Variants in LRRC9 observed in about 807,000 individuals in gnomAD.
LRRC9 encodes leucine-rich repeat-containing protein 9.
A neutral mutation model predicts 63.2 loss-of-function variants in LRRC9; 122 were observed. That is an observed-to-expected ratio of 1.93 (90% CI 1.67 to 2.24). The LOEUF is 2.24. Ranked by LOEUF, LRRC9 falls within the 30% of genes most tolerant of loss-of-function variation. The pLI is 0.00. For missense variants in LRRC9, 1,071 were observed against 627.7 expected (o/e 1.71, Z -7.55); for synonymous variants, 366 against 213.1 (o/e 1.72, Z -6.25).
chr14:60,043,769 T>A (rs1595097110), intron 29 of LRRC9, among the ~76,000 whole-genome samples: 1 of 148,864 alleles, frequency 6.7e-6, no homozygotes, highest in East Asian at 2.0e-4. Flanking sequence ...TTTTTTTTTT[T>A]TTTTTTTTTG....
chr14:59,991,219 C>T (rs1888053270), intron 17 of LRRC9, among the ~76,000 whole-genome samples: 1 of 152,200 alleles, frequency 6.6e-6, no homozygotes, highest in Admixed American at 6.5e-5. Context: ...CTCATCTTTA[C>T]TGTCATTTTC....
Position 59,930,940 on chromosome 14 carries a change from G to A in LRRC9, c.290G>A (p.Cys97Tyr). The A allele has an allele frequency of 2.3e-6, 1 of 440,904 alleles. No homozygotes were observed. The highest frequency in any genetic ancestry group is 4.1e-6 in the Non-Finnish European group (1 of 245,104). The allele number at this position is 440,904 out of a possible 1,614,324, so 27.3% of individuals were successfully genotyped here. The change falls in exon 4 of 32, where the codon TGT becomes TAT. Residue 97 changes from cysteine to tyrosine, a missense_variant. By Grantham distance (194) the Cys-to-Tyr change is radical. Coordinates refer to ENST00000445360, the Ensembl canonical transcript of LRRC9. This position sits in a 1 kb window ranked among gnomAD's most constrained non-coding sequence, Gnocchi z 4.9. ...CAGAAAATTGAAGGTCTTCAAGAAT[G>A]TAGAAATTTGGAAAAACTATATTTA...
chr14:59,992,184 T>C (rs1191414983), intron 17 of LRRC9, among the ~76,000 whole-genome samples: 1 of 152,226 alleles, frequency 6.6e-6, no homozygotes, highest in African/African-American at 2.4e-5. Flanking sequence ...CCTCCACTGC[T>C]GATACCCAGG....
Position 60,055,745 on chromosome 14 carries a change from AAC to A in LRRC9, c.4132-2131_4132-2130del, listed in dbSNP as rs1193498308. Among the ~76,000 whole-genome samples the A allele has an allele frequency of 1.0e-4, 15 of 147,344 alleles. 1 individual carries two copies. The highest frequency in any genetic ancestry group is 2.7e-4 in the Admixed American group (4 of 14,734). On this transcript the variant is annotated intron_variant, in intron 30 of 31. Coordinates refer to ENST00000445360, the Ensembl canonical transcript of LRRC9. ...TTGTCTCTATTTAAAAAAAAAAAAA[AAC>A]AAAAAAAACTAGCCAGGCATGATGG...
chr14:59,944,706 G>C lies in LRRC9; in HGVS notation c.844G>C (p.Glu282Gln), dbSNP rs193121855. The C allele has an allele frequency of 8.1e-5, 55 of 675,414 alleles. 1 individual carries two copies. The highest frequency in any genetic ancestry group is 5.7e-4 in the African/African-American group (32 of 55,820). The allele number at this position is 675,414 out of a possible 1,614,324, so 41.8% of individuals were successfully genotyped here. A position where few individuals can be genotyped will look rare whatever the true frequency, so the allele number is the denominator to read the frequency against. The change falls in exon 8 of 32, where the codon GAA becomes CAA. Residue 282 changes from glutamate to glutamine, a missense_variant. Physicochemically the swap from Glu to Gln is conservative, Grantham distance 29. Coordinates refer to ENST00000445360, the Ensembl canonical transcript of LRRC9. Reference sequence around the variant, plus strand: ...AAAATGCAAATTACAAAAGTTGCCAGAAGAACGAGTAAAATTATTCAGCTT... The same window carrying C: ...AAAATGCAAATTACAAAAGTTGCCACAAGAACGAGTAAAATTATTCAGCTT...
At chr14:60,019,130 C>T in exon 26 of LRRC9, 3 of 685,674 alleles carry the variant, frequency 4.4e-6, no homozygotes, top group African/African-American at 1.8e-5. Context: ...GGTCTTATGC[C>T]TTAACTATAA....
At chr14:60,036,033 T>C (rs552059870) in intron 29 of LRRC9, among the ~76,000 whole-genome samples, 1 of 152,224 alleles carries the variant, frequency 6.6e-6, no homozygotes, top group South Asian at 2.1e-4. Context: ...GGCTTGCAGA[T>C]AGTTGTCTTA....
chr14:59,928,275 G>T (rs1314772830), exon 3 of LRRC9: 1 of 594,428 alleles, frequency 1.7e-6, no homozygotes. Flanking sequence ...CAGTGTTTGT[G>T]CAATGGCTTA....
At chr14:59,926,552 A>T (rs1248567206) in intron 1 of LRRC9, among the ~76,000 whole-genome samples, 2 of 152,192 alleles carry the variant, frequency 1.3e-5, no homozygotes, top group Non-Finnish European at 2.9e-5. Flanking sequence ...GAACATAACC[A>T]GCACCTAGAT....
intron 15 of LRRC9, among the ~76,000 whole-genome samples, chr14:59,980,585 AACTG>A (rs1035416193): frequency 6.6e-6 from 1 of 152,218 alleles, no homozygotes; most frequent in Non-Finnish European, 1.5e-5. Flanking sequence ...ATTTGGTGTG[AACTG>A]ACTACTTTGC....
At chr14:60,036,389 T>C (rs1187596881) in intron 29 of LRRC9, among the ~76,000 whole-genome samples, 5 of 152,206 alleles carry the variant, frequency 3.3e-5, no homozygotes, top group African/African-American at 1.2e-4. Context: ...TTAGTGGTCA[T>C]GTCCCTTTAG....
At position 59,966,827 on chromosome 14, in the gene LRRC9, C is replaced by A. The variant is rs1232360188; in HGVS notation, c.1388+62C>A. 14 of 548,304 alleles carry A rather than the reference C, an allele frequency of 2.6e-5. No homozygotes were observed. The highest frequency in any genetic ancestry group is 4.6e-5 in the Non-Finnish European group (14 of 306,630). The allele number at this position is 548,304 out of a possible 1,614,324, so 34.0% of individuals were successfully genotyped here. On this transcript the variant is annotated intron_variant, in intron 11 of 31. Transcript: ENST00000445360. This position sits in a 1 kb window ranked among gnomAD's most constrained non-coding sequence, Gnocchi z 4.0. ...AAGTGTGACTGTATTTGTAAAATTT[C>A]TATTTTAAAAGTTTACAGCATTAAA...
At chr14:60,022,674 T>C in intron 26 of LRRC9, 60 bp from the exon 27 acceptor site, 1 of 490,956 alleles carries the variant, frequency 2.0e-6, no homozygotes, top group East Asian at 3.2e-5. Flanking sequence ...GAACTGTCTT[T>C]TTATAATATA....
chr14:59,943,836 T>C (rs950225365), intron 7 of LRRC9, among the ~76,000 whole-genome samples: 6 of 152,072 alleles, frequency 3.9e-5, no homozygotes, highest in Non-Finnish European at 8.8e-5. Flanking sequence ...AGAAAATATA[T>C]GTCTAAGAGT....
rs1465182077 is a variant in LRRC9, at chr14:60,053,534, G to A, written c.4131+329G>A. Reference sequence around the variant, plus strand: ...ATATGTCAGATGATGCTAGAACATAGGAAACTATAACATATCACTTTCATA... The same window carrying A: ...ATATGTCAGATGATGCTAGAACATAAGAAACTATAACATATCACTTTCATA... On this transcript the variant is annotated intron_variant, in intron 30 of 31. Transcript: ENST00000445360. The surrounding 1 kb of genome is among the most constrained non-coding windows in gnomAD (Gnocchi z 4.8). 2.0e-5 allele frequency among the ~76,000 whole-genome samples: 3 copies of A among 151,976 alleles called. No individual in the cohort carries two copies. Among genetic ancestry groups the A allele is most frequent in the African/African-American group, 7.2e-5 (3 of 41,382 alleles).
chr14:59,961,082 A>G, intron 10 of LRRC9, 37 bp downstream of exon 10: 1 of 592,256 alleles, frequency 1.7e-6, no homozygotes, highest in Non-Finnish European at 3.0e-6. Context: ...CTTTAAAAAT[A>G]ACTTAAGTAC....
At chr14:59,977,570 G>T (rs1048705427) in intron 14 of LRRC9, among the ~76,000 whole-genome samples, 21 of 127,116 alleles carry the variant, frequency 1.7e-4, no homozygotes, top group Admixed American at 1.3e-3. Flanking sequence ...TTATGTATTT[G>T]TGTGTGTGTG....
At chr14:59,935,293 C>CA (rs3069508) in intron 6 of LRRC9, among the ~76,000 whole-genome samples, 59 of 125,000 alleles carry the variant, frequency 4.7e-4, no homozygotes, top group Non-Finnish European at 4.5e-4. Context: ...GACTAGGTCT[C>CA]AAAAAAAAAA....
At chr14:60,065,054 T>C (rs980302320), downstream of LRRC9, among the ~76,000 whole-genome samples, 2 of 152,216 alleles carry the variant, frequency 1.3e-5, no homozygotes, top group Non-Finnish European at 2.9e-5. Flanking sequence ...TTGTTAAATT[T>C]TGAGCTATTT....
Sources: allele counts gnomAD v4.1 joint callset (sites outside exome capture counted in the v4.1 genomes callset), GRCh38; gene constraint gnomAD v4.1.1; non-coding constraint Gnocchi (gnomAD v3.1); transcripts MANE v1.5; gene names NCBI Gene and HGNC (gene_info 2026-07-23, HGNC 2026-07-21).